Variants in PTRH2 observed in about 807,000 individuals in gnomAD.
PTRH2 encodes the protein peptidyl-tRNA hydrolase 2.
In PTRH2, 10 loss-of-function variants were observed where a neutral mutation model predicts 12.3. The observed-to-expected ratio is 0.81, with a 90% confidence interval of 0.50 to 1.38. PTRH2 has a LOEUF of 1.38. Among genes scored for constraint, PTRH2 ranks in the 40% most tolerant of loss-of-function variants. The probability of loss-of-function intolerance (pLI) is 0.00; values close to 1 mark genes in which losing one functional copy is unlikely to be tolerated. For missense variants in PTRH2, 176 were observed against 214.1 expected (o/e 0.82, Z 1.11); for synonymous variants, 73 against 77.4 (o/e 0.94, Z 0.30).
At chr17:59,698,775 A>G (rs2033499189) in intron 1 of PTRH2, 3 of 669,238 alleles carry the variant, frequency 4.5e-6, no homozygotes, top group African/African-American at 3.6e-5. Flanking sequence ...TTGGACAAAA[A>G]TCATCTAACA....
chr17:59,705,838 G>A (rs2033638051), intron 1 of PTRH2, among the ~76,000 whole-genome samples: 1 of 151,896 alleles, frequency 6.6e-6, no homozygotes, highest in Non-Finnish European at 1.5e-5. Context: ...CAGGCTGGGA[G>A]GTGGAAATTG....
Position 59,697,968 on chromosome 17 carries a change from T to G in PTRH2, c.11A>C (p.Lys4Thr), listed in dbSNP as rs762855318. 1.2e-6 allele frequency: 2 copies of G among 1,611,446 alleles called. No individual in the cohort carries two copies. Among genetic ancestry groups the G allele is most frequent in the Non-Finnish European group, 1.7e-6 (2 of 1,179,252 alleles). Residue 4 changes from lysine (K) to threonine (T), a missense_variant, in exon 2 of 2, where the codon AAA becomes ACA. Coordinates refer to ENST00000393038, the MANE Select transcript of PTRH2 (RefSeq NM_016077.5). ...AGCCAAATATTCCATAACCAAGGAT[T>G]TGGAGGGCATCTTAAAGGAAAGGAA... MPS[K>T]SLVMEYLAHP...
At chr17:59,699,588 C>T (rs917165623) in intron 1 of PTRH2, 2 of 152,734 alleles carry the variant, frequency 1.3e-5, no homozygotes, top group East Asian at 3.8e-4. Flanking sequence ...AAGTGGTATA[C>T]GCTTCTGTAT....
At chr17:59,702,114 C>G (rs901289975) in intron 1 of PTRH2, among the ~76,000 whole-genome samples, 2 of 151,780 alleles carry the variant, frequency 1.3e-5, no homozygotes, top group African/African-American at 4.8e-5. Context: ...AAATTCAGAC[C>G]AAGAGAAGTT....
At chr17:59,702,479 G>A (rs2033570937) in intron 1 of PTRH2, among the ~76,000 whole-genome samples, 2 of 152,140 alleles carry the variant, frequency 1.3e-5, no homozygotes, top group African/African-American at 4.8e-5. Flanking sequence ...TGCAAATACA[G>A]ATAAAACTTC....
chr17:59,705,909 CA>C (rs34174073), intron 1 of PTRH2, among the ~76,000 whole-genome samples: 227 of 99,924 alleles, frequency 2.3e-3, no homozygotes, highest in African/African-American at 2.5e-3. Flanking sequence ...ACCCTGTCTC[CA>C]AAAAAAAAAA....
chr17:59,698,897 G>C (rs1329890301), intron 1 of PTRH2: 1 of 716,548 alleles, frequency 1.4e-6, no homozygotes, highest in Admixed American at 2.0e-5. Context: ...TGAAAGCACA[G>C]TGGTCCTGAA....
intron 1 of PTRH2, among the ~76,000 whole-genome samples, chr17:59,704,796 T>C (rs35411539): frequency 0.12 from 18,393 of 152,000 alleles, 1,199 homozygotes; most frequent in Middle Eastern, 0.24. Flanking sequence ...GAGAATTCTT[T>C]TTTTTTTCTT....
chr17:59,697,343 C>T lies in PTRH2; in HGVS notation c.*96G>A. 1 of 1,372,622 alleles carries T rather than the reference C, an allele frequency of 7.3e-7. No homozygotes were observed. The highest frequency in any genetic ancestry group is 9.9e-7 in the Non-Finnish European group (1 of 1,007,014). The allele number at this position is 1,372,622 out of a possible 1,614,324, so 85.0% of individuals were successfully genotyped here. On this transcript the variant is annotated 3_prime_UTR_variant, in exon 2 of 2. Transcript: ENST00000393038. ...ATAGGTTTTATTTTCATCTCAAGAACATTTAAGTTGGGTGAAGAAATTCAG... is the reference window on the plus strand; with the variant it reads ...ATAGGTTTTATTTTCATCTCAAGAATATTTAAGTTGGGTGAAGAAATTCAG...
chr17:59,701,468 A>C (rs1325409475), intron 1 of PTRH2: 3 of 152,222 alleles, frequency 2.0e-5, no homozygotes, highest in Admixed American at 6.5e-5. Flanking sequence ...AGGAATGGGT[A>C]TCTGAAATAG....
chr17:59,697,996 C>T lies in PTRH2; in HGVS notation c.1-18G>A, dbSNP rs2143636559. ...GAGGGCATCTTAAAGGAAAGGAAAA[C>T]AGTTATCACTATCCGGCAGTAACAA... On this transcript the variant is annotated intron_variant, in intron 1 of 1. Coordinates refer to ENST00000393038, the MANE Select transcript of PTRH2 (RefSeq NM_016077.5). 6.2e-7 allele frequency: 1 copy of T among 1,602,688 alleles called. No individual in the cohort carries two copies. Among genetic ancestry groups the T allele is most frequent in the South Asian group, 1.1e-5 (1 of 90,874 alleles).
In PTRH2 at chr17:59,698,117, C is replaced by CA. The variant is rs545383564; in HGVS notation, c.1-140dup. 2,077 of 826,480 alleles carry CA rather than the reference C, an allele frequency of 2.5e-3. 3 individuals are homozygous for CA. The highest frequency in any genetic ancestry group is 3.5e-3 in the Admixed American group (123 of 34,868). 51.2% of individuals were successfully genotyped at this position (826,480 alleles called of 1,614,324 possible). ...AAACACACCTTTGATCTTATGCCTG[C>CA]ACCCTGTTTCCAACACCCTCTTGCC... On this transcript the variant is annotated intron_variant, in intron 1 of 1. Coordinates refer to ENST00000393038, the MANE Select transcript of PTRH2 (RefSeq NM_016077.5).
chr17:59,697,381 G>GAA lies in PTRH2; in HGVS notation c.*56_*57dup, dbSNP rs2033456035. ...TGAAGAAATTCAGCTTTTGTTGTTA[G>GAA]AATCTGACAGGCTTCAAACACTTGT... On this transcript the variant is annotated 3_prime_UTR_variant, in exon 2 of 2. Transcript: ENST00000393038. 2.0e-6 allele frequency: 3 copies of GAA among 1,501,694 alleles called. No individual in the cohort carries two copies. The highest frequency in any genetic ancestry group is 1.8e-6 in the Non-Finnish European group (2 of 1,114,052). 93.0% of individuals were successfully genotyped at this position (1,501,694 alleles called of 1,614,324 possible). A position where few individuals can be genotyped will look rare whatever the true frequency, so the allele number is the denominator to read the frequency against.
At chr17:59,701,851 C>G (rs1268729241) in intron 1 of PTRH2, among the ~76,000 whole-genome samples, 1 of 150,660 alleles carries the variant, frequency 6.6e-6, no homozygotes, top group Non-Finnish European at 1.5e-5. Context: ...CACCATCACA[C>G]CCGGCTAATT....
At chr17:59,702,432 C>T (rs1447898085) in intron 1 of PTRH2, among the ~76,000 whole-genome samples, 4 of 152,300 alleles carry the variant, frequency 2.6e-5, no homozygotes, top group Non-Finnish European at 4.4e-5. Context: ...GCTAATTAGA[C>T]GGAGCTCAGG....
Position 59,698,271 on chromosome 17 carries a change from AG to A in PTRH2, c.1-294del, listed in dbSNP as rs772847886. 7.8e-4 allele frequency: 308 copies of A among 393,654 alleles called. 3 individuals carry two copies. Among genetic ancestry groups the A allele is most frequent in the Non-Finnish European group, 6.3e-4 (137 of 218,600 alleles). 24.4% of individuals were successfully genotyped at this position (393,654 alleles called of 1,614,324 possible). A position where few individuals can be genotyped will look rare whatever the true frequency, so the allele number is the denominator to read the frequency against. On this transcript the variant is annotated intron_variant, in intron 1 of 1. Coordinates refer to ENST00000393038, the MANE Select transcript of PTRH2 (RefSeq NM_016077.5). The stretch of plus-strand genomic sequence containing the variant: ...CCTCAGTCTTCCCTTAGTCTTGTGG[AG>A]ATGTTCCGTTTTACCAAGATGCCTA...
intron 1 of PTRH2, chr17:59,699,270 G>C (rs1398503260): frequency 5.4e-6 from 1 of 185,746 alleles, no homozygotes; most frequent in Non-Finnish European, 1.1e-5. Context: ...TCTAGGTGCC[G>C]TGGGTGTAAC....
rs765298738 is a variant in PTRH2, at chr17:59,697,943, A to T, written c.36T>A (p.Ala12=). The part of the protein sequence containing the change: ...PSKSLVMEYL[A]HPSTLGLAVG... ...CAGCCAAGCCGAGTGTACTGGGATG[A>T]GCCAAATATTCCATAACCAAGGATT... is the stretch of plus-strand genomic sequence containing the variant. The change falls in exon 2 of 2, where the codon GCT becomes GCA. Residue 12 remains alanine (A), a synonymous_variant. Transcript: ENST00000393038. 2.5e-6 allele frequency: 4 copies of T among 1,613,776 alleles called. No individual in the cohort carries two copies. Among genetic ancestry groups the T allele is most frequent in the Non-Finnish European group, 3.4e-6 (4 of 1,179,998 alleles).
chr17:59,697,465 CTT>C lies in PTRH2; in HGVS notation c.512_513del (p.Lys171SerfsTer13). On this transcript the variant is annotated frameshift_variant, in exon 2 of 2. Transcript: ENST00000393038. LOFTEE classifies it high-confidence loss of function. Reference sequence around the variant, plus strand: ...TAGTAAAGTTTTAGGTGACCAGTGACTTTGTCAATTAGGTCTGCTGGTCCTGG... The same window carrying C: ...TAGTAAAGTTTTAGGTGACCAGTGACTGTCAATTAGGTCTGCTGGTCCTGG... ...IGPGPADLID[K>X]VTGHLKLY 2 of 1,612,258 alleles carry C rather than the reference CTT, an allele frequency of 1.2e-6. No individual in the cohort carries two copies. Among genetic ancestry groups the C allele is most frequent in the Non-Finnish European group, 1.7e-6 (2 of 1,178,470 alleles).
Sources: gnomAD v4.1 joint callset for allele counts (sites outside exome capture counted in the v4.1 genomes callset) on GRCh38, gnomAD v4.1.1 for gene constraint, MANE v1.5 for transcripts, NCBI Gene and HGNC (gene_info 2026-07-23, HGNC 2026-07-21) for gene names.